CNTN1: variants seen among roughly 807,000 people sequenced by gnomAD.
The protein encoded by CNTN1 is contactin-1.
CNTN1 carries 38 observed loss-of-function variants against 126.4 expected under a neutral mutation model. The ratio of observed to expected loss-of-function variants is 0.30; its 90% CI spans 0.23 to 0.39. The LOEUF (loss-of-function observed/expected upper bound fraction) is 0.39, where lower values mean the gene tolerates loss of function less well. Ranked by LOEUF, CNTN1 falls within the 10% of genes least tolerant of loss-of-function variation. The pLI, the probability that CNTN1 is intolerant of heterozygous loss-of-function variation, is 1.00. For missense variants in CNTN1, 1,009 were observed against 1,248.4 expected, an observed-to-expected ratio of 0.81 and a Z score of 2.89; for synonymous variants, 413 against 422.6, an observed-to-expected ratio of 0.98 and a Z score of 0.28.
intron 14 of CNTN1, among the ~76,000 whole-genome samples, chr12:40,953,535 A>T (rs961234054): frequency 6.6e-6 from 1 of 152,132 alleles, no homozygotes; most frequent in Non-Finnish European, 1.5e-5. Context: ...TCCTTCTGAG[A>T]AGTTTTATTG....
At chr12:40,914,970 T>C (rs1945178327) in intron 3 of CNTN1, among the ~76,000 whole-genome samples, 1 of 152,144 alleles carries the variant, frequency 6.6e-6, no homozygotes, top group Non-Finnish European at 1.5e-5. Context: ...ATTATTAGTA[T>C]GTGACATTCT....
chr12:40,732,962 G>T (rs1565661090), intron 1 of CNTN1, among the ~76,000 whole-genome samples: 1 of 151,848 alleles, frequency 6.6e-6, no homozygotes, highest in East Asian at 1.9e-4. Context: ...AGTTACAACT[G>T]CCTTGTTATT....
intron 1 of CNTN1, among the ~76,000 whole-genome samples, chr12:40,886,436 AAG>A (rs1355738154): frequency 1.3e-5 from 2 of 152,098 alleles, no homozygotes; most frequent in African/African-American, 4.8e-5. Context: ...TGTAAAAGTT[AAG>A]AGTCTTTTAT....
chr12:40,923,416 G>C (rs531483173), intron 5 of CNTN1, among the ~76,000 whole-genome samples: 95 of 152,226 alleles, frequency 6.2e-4, no homozygotes, highest in African/African-American at 2.1e-3. Flanking sequence ...TCATGGTAGG[G>C]TTTATCAGGA....
intron 1 of CNTN1, among the ~76,000 whole-genome samples, chr12:40,761,249 ACATACT>A (rs1315362256): frequency 6.6e-6 from 1 of 152,080 alleles, no homozygotes; most frequent in Non-Finnish European, 1.5e-5. Flanking sequence ...TTTTAGAAAA[ACATACT>A]CAGTAATTTA....
At chr12:40,944,774 T>C (rs1416455084) in intron 14 of CNTN1, among the ~76,000 whole-genome samples, 1 of 152,046 alleles carries the variant, frequency 6.6e-6, no homozygotes, top group African/African-American at 2.4e-5. Flanking sequence ...GCAAAACAAC[T>C]TGTGTAAGAA....
At chr12:40,902,018 A>G (rs1039863814) in intron 1 of CNTN1, among the ~76,000 whole-genome samples, 1 of 152,200 alleles carries the variant, frequency 6.6e-6, no homozygotes, top group Non-Finnish European at 1.5e-5. Flanking sequence ...AATTAACTGG[A>G]GAGAGATAAT....
At chr12:40,941,766 A>G (rs1271281730) in intron 12 of CNTN1, among the ~76,000 whole-genome samples, 1 of 152,012 alleles carries the variant, frequency 6.6e-6, no homozygotes, top group Non-Finnish European at 1.5e-5. Flanking sequence ...ATAAGTGACC[A>G]ATTGGTTAAA....
intron 1 of CNTN1, among the ~76,000 whole-genome samples, chr12:40,781,014 A>T (rs1359769891): frequency 6.6e-6 from 1 of 151,818 alleles, no homozygotes. Context: ...TACTAAGGTT[A>T]CCTCTGTTAG....
rs974439372 is a variant in CNTN1, at chr12:41,044,103, A to G, written c.2980+14884A>G. 4.6e-5 allele frequency among the ~76,000 whole-genome samples: 7 copies of G among 151,660 alleles called. No homozygotes were observed. In the Middle Eastern group the frequency reaches 0.02, roughly 442 times the overall value. ...AGCATGGCACATGTATATATATGTA[A>G]CTAACCTGCACATTGTGCACATGTA... On this transcript the variant is annotated intron_variant, in intron 23 of 23. Coordinates refer to ENST00000551295, the MANE Select transcript of CNTN1 (RefSeq NM_001843.4).
At chr12:40,750,132 G>T (rs968922795) in intron 1 of CNTN1, among the ~76,000 whole-genome samples, 8 of 152,074 alleles carry the variant, frequency 5.3e-5, no homozygotes, top group Non-Finnish European at 2.9e-5. Flanking sequence ...GCTCTTAAAT[G>T]TTGCTATAAA....
At chr12:40,894,912 T>C (rs141956195) in intron 1 of CNTN1, among the ~76,000 whole-genome samples, 1,633 of 152,276 alleles carry the variant, frequency 0.011, 23 homozygotes, top group African/African-American at 0.037. Flanking sequence ...ACTGGCATAT[T>C]TGAGAAGTGT....
chr12:40,927,417 G>A (rs1945733733), intron 6 of CNTN1, among the ~76,000 whole-genome samples: 1 of 152,004 alleles, frequency 6.6e-6, no homozygotes, highest in Non-Finnish European at 1.5e-5. Flanking sequence ...TTGCTCTGGT[G>A]TTGGTACAGC....
intron 1 of CNTN1, among the ~76,000 whole-genome samples, chr12:40,695,722 G>C (rs1158243429): frequency 6.6e-6 from 1 of 151,898 alleles, no homozygotes; most frequent in African/African-American, 2.4e-5. Context: ...TTGAAATTTT[G>C]CTCCTTGACA....
chr12:41,041,976 C>A (rs530497055), intron 23 of CNTN1, among the ~76,000 whole-genome samples: 1 of 152,124 alleles, frequency 6.6e-6, no homozygotes, highest in African/African-American at 2.4e-5. Flanking sequence ...TATGTTTGCT[C>A]TTGCTTTTCT....
chr12:41,049,691 T>C (rs1949628486), intron 23 of CNTN1, among the ~76,000 whole-genome samples: 1 of 152,212 alleles, frequency 6.6e-6, no homozygotes, highest in South Asian at 2.1e-4. Context: ...GCTCTTCTCA[T>C]GTCTCTGCAC....
At chr12:40,809,686 C>T (rs978995452) in intron 1 of CNTN1, among the ~76,000 whole-genome samples, 9 of 151,938 alleles carry the variant, frequency 5.9e-5, no homozygotes, top group African/African-American at 1.9e-4. Context: ...TGTGGTGGTG[C>T]ACGCCTGTAA....
intron 1 of CNTN1, among the ~76,000 whole-genome samples, chr12:40,858,439 A>G (rs1942994736): frequency 6.6e-6 from 1 of 152,184 alleles, no homozygotes; most frequent in Non-Finnish European, 1.5e-5. Flanking sequence ...TCAAAACCAC[A>G]ATGAGATACC....
chr12:40,964,562 A>G (rs576437955), intron 15 of CNTN1, among the ~76,000 whole-genome samples: 6 of 128,564 alleles, frequency 4.7e-5, no homozygotes, highest in East Asian at 2.1e-4. Flanking sequence ...GTGTGTGTGC[A>G]TGCAGCTTTC....
Sources: gnomAD v4.1 joint callset for allele counts (sites outside exome capture counted in the v4.1 genomes callset) on GRCh38, gnomAD v4.1.1 for gene constraint, MANE v1.5 for transcripts, NCBI Gene and HGNC (gene_info 2026-07-23, HGNC 2026-07-21) for gene names.